Variants in PARD3 observed in about 807,000 individuals in gnomAD.
PARD3 encodes the protein partitioning defective 3 homolog.
A neutral mutation model predicts 155.4 loss-of-function variants in PARD3; 75 were observed. The ratio of observed to expected loss-of-function variants is 0.48; its 90% CI spans 0.40 to 0.58. The LOEUF is 0.58. Ranked by LOEUF, PARD3 falls within the 20% of genes least tolerant of loss-of-function variation. The pLI is 0.00. For synonymous variants in PARD3, 576 were observed against 610.5 expected (o/e 0.94, Z 0.83); for missense variants, 1,642 against 1,721.7 (o/e 0.95, Z 0.82).
At chr10:34,341,940 G>A (rs1197741896) in intron 15 of PARD3, 124 bp from the exon 16 acceptor site, 1 of 565,198 alleles carries the variant, frequency 1.8e-6, no homozygotes, top group African/African-American at 1.9e-5. Context: ...CAACCTGGTA[G>A]AACAAAACAG....
intron 2 of PARD3, among the ~76,000 whole-genome samples, chr10:34,569,415 C>T (rs1186551273): frequency 6.6e-6 from 1 of 151,826 alleles, no homozygotes; most frequent in East Asian, 1.9e-4. Flanking sequence ...TTACACGTGA[C>T]TATATATATA....
intron 2 of PARD3, among the ~76,000 whole-genome samples, chr10:34,634,614 G>C (rs991757594): frequency 2.6e-5 from 4 of 152,118 alleles, no homozygotes; most frequent in Admixed American, 2.6e-4. Flanking sequence ...CAATAAGAAG[G>C]AAAGAAACAA....
At chr10:34,191,792 T>C (rs1950723530) in intron 22 of PARD3, among the ~76,000 whole-genome samples, 1 of 152,146 alleles carries the variant, frequency 6.6e-6, no homozygotes, top group Admixed American at 6.5e-5. Flanking sequence ...CTCAGCGTCA[T>C]TTTCTAATTC....
intron 2 of PARD3, among the ~76,000 whole-genome samples, chr10:34,602,321 G>A (rs1490456756): frequency 6.6e-6 from 1 of 151,964 alleles, no homozygotes; most frequent in Non-Finnish European, 1.5e-5. Flanking sequence ...TTAACTGATA[G>A]AATTAAATAT....
intron 15 of PARD3, among the ~76,000 whole-genome samples, chr10:34,347,727 T>G (rs1413221102): frequency 6.6e-6 from 1 of 152,216 alleles, no homozygotes; most frequent in Non-Finnish European, 1.5e-5. Context: ...TCTTTTTGGT[T>G]GCTTCGTCAT....
chr10:34,458,864 CCT>C (rs1199056351), intron 4 of PARD3, among the ~76,000 whole-genome samples: 5 of 152,182 alleles, frequency 3.3e-5, no homozygotes, highest in Admixed American at 6.5e-5. Context: ...CCTGAATTCC[CCT>C]AGAGCCACCA....
At chr10:34,604,924 C>T (rs1364579299) in intron 2 of PARD3, among the ~76,000 whole-genome samples, 1 of 151,644 alleles carries the variant, frequency 6.6e-6, no homozygotes, top group Non-Finnish European at 1.5e-5. Context: ...CTCAATGTTA[C>T]TAAAACCTAT....
intron 22 of PARD3, among the ~76,000 whole-genome samples, chr10:34,141,038 C>T (rs557655230): frequency 5.3e-5 from 8 of 152,202 alleles, no homozygotes; most frequent in African/African-American, 1.9e-4. Context: ...ATAGTCTTTG[C>T]ATTTTTCTAT....
intron 2 of PARD3, among the ~76,000 whole-genome samples, chr10:34,630,429 T>C (rs185225378): frequency 1.4e-5 from 2 of 147,016 alleles, no homozygotes; most frequent in African/African-American, 5.0e-5. Flanking sequence ...TCCACCCTTA[T>C]CCTCCCTCTC....
At chr10:34,509,314 T>C (rs1281571087) in intron 3 of PARD3, among the ~76,000 whole-genome samples, 2 of 152,050 alleles carry the variant, frequency 1.3e-5, no homozygotes, top group Admixed American at 6.6e-5. Flanking sequence ...TCAATATGCA[T>C]CATTCCCTAA....
intron 22 of PARD3, among the ~76,000 whole-genome samples, chr10:34,224,504 T>C (rs1260467764): frequency 1.3e-5 from 2 of 152,230 alleles, no homozygotes; most frequent in Non-Finnish European, 2.9e-5. Flanking sequence ...GAAAGGAGAC[T>C]AGATTCTCAC....
chr10:34,697,833 C>T (rs982367670), intron 1 of PARD3, among the ~76,000 whole-genome samples: 1 of 151,290 alleles, frequency 6.6e-6, no homozygotes, highest in Non-Finnish European at 1.5e-5. Context: ...ATTCTGACTG[C>T]ACATGAATCC....
intron 2 of PARD3, among the ~76,000 whole-genome samples, chr10:34,691,491 C>T (rs1204076863): frequency 1.3e-5 from 2 of 152,084 alleles, no homozygotes; most frequent in Non-Finnish European, 2.9e-5. Flanking sequence ...ATTGAAACAA[C>T]AAATATTGTT....
intron 24 of PARD3, 108 bp downstream of exon 24, chr10:34,119,505 G>A (rs1946864545): frequency 1.7e-5 from 20 of 1,150,114 alleles, no homozygotes; most frequent in Non-Finnish European, 2.4e-5. Context: ...GTTGCTACCA[G>A]GGGCAAGCTG....
intron 22 of PARD3, among the ~76,000 whole-genome samples, chr10:34,262,331 A>G (rs1955069208): frequency 6.6e-6 from 1 of 151,952 alleles, no homozygotes; most frequent in Admixed American, 6.6e-5. Context: ...CAGTGCTATG[A>G]TCATGGCCCA....
chr10:34,486,067 G>A (rs1269772318), intron 3 of PARD3, among the ~76,000 whole-genome samples: 1 of 151,962 alleles, frequency 6.6e-6, no homozygotes, highest in East Asian at 1.9e-4. Flanking sequence ...GGGACTACAG[G>A]TGCGTGCCAC....
chr10:34,393,613 A>ACCG, intron 7 of PARD3, among the ~76,000 whole-genome samples: 1 of 151,358 alleles, frequency 6.6e-6, no homozygotes, highest in South Asian at 2.1e-4. Context: ...ACTTTAGGCC[A>ACCG]GGTACAGCCG....
chr10:34,331,355 T>A lies in PARD3; in HGVS notation c.2606-11A>T. 2 of 1,588,754 alleles carry A rather than the reference T, an allele frequency of 1.3e-6. No homozygotes were observed. The highest frequency in any genetic ancestry group is 3.4e-5 in the Admixed American group (2 of 58,814). On this transcript the variant is annotated splice_polypyrimidine_tract_variant and intron_variant, in intron 18 of 24. Coordinates refer to ENST00000374788, the MANE Select transcript of PARD3 (RefSeq NM_001184785.2). ...CTCTGCTGGGAGAACCTGGGAGGTT[T>A]ACAAGAAAAAAAATGTTAGTGTGAA...
At chr10:34,119,011 G>A (rs1453997884) in intron 24 of PARD3, among the ~76,000 whole-genome samples, 1 of 152,182 alleles carries the variant, frequency 6.6e-6, no homozygotes, top group East Asian at 1.9e-4. Flanking sequence ...CTTTGTCGGA[G>A]AACTGGGCCA....
Sources: gnomAD v4.1 joint callset for allele counts (sites outside exome capture counted in the v4.1 genomes callset) on GRCh38, gnomAD v4.1.1 for gene constraint, MANE v1.5 for transcripts, NCBI Gene and HGNC (gene_info 2026-07-23, HGNC 2026-07-21) for gene names.